Variants in BNC2 observed in about 807,000 individuals in gnomAD.
BNC2 encodes basonuclin zinc finger protein 2, also known as zinc finger protein basonuclin-2.
In BNC2, 20 loss-of-function variants were observed where a neutral mutation model predicts 76.3. That is an observed-to-expected ratio of 0.26 (90% CI 0.18 to 0.38). The LOEUF is 0.38. BNC2 is among the 10% of genes least tolerant of loss of function. The pLI is 1.00. For synonymous variants in BNC2, 582 were observed against 514.8 expected, an observed-to-expected ratio of 1.13 and a Z score of -1.77; for missense variants, 1,382 against 1,399.8, an observed-to-expected ratio of 0.99 and a Z score of 0.20.
At chr9:16,655,027 GT>G (rs1563882184) in intron 3 of BNC2, among the ~76,000 whole-genome samples, 1 of 151,802 alleles carries the variant, frequency 6.6e-6, no homozygotes, top group African/African-American at 2.4e-5. Context: ...AATAACTGTG[GT>G]TTAACAACAG....
At chr9:16,451,192 C>T (rs1821332928) in intron 5 of BNC2, among the ~76,000 whole-genome samples, 1 of 152,042 alleles carries the variant, frequency 6.6e-6, no homozygotes, top group Non-Finnish European at 1.5e-5. Flanking sequence ...GGTGCCACCT[C>T]AAAGAAGGTA....
intron 5 of BNC2, among the ~76,000 whole-genome samples, chr9:16,515,633 CG>C (rs888753384): frequency 1.5e-4 from 22 of 149,456 alleles, no homozygotes; most frequent in African/African-American, 5.4e-4. Context: ...ATGATGTGGT[CG>C]AAAAAAAATC....
intron 1 of BNC2, among the ~76,000 whole-genome samples, chr9:16,799,371 G>A (rs1242754992): frequency 6.6e-6 from 1 of 151,832 alleles, no homozygotes; most frequent in Non-Finnish European, 1.5e-5. Flanking sequence ...CTGGAGTGCA[G>A]TGGCAGGACC....
chr9:16,721,086 C>T (rs1824142808), intron 3 of BNC2, among the ~76,000 whole-genome samples: 1 of 152,122 alleles, frequency 6.6e-6, no homozygotes, highest in African/African-American at 2.4e-5. Flanking sequence ...AGGTCAGGCT[C>T]AATGAGGAGG....
intron 6 of BNC2, among the ~76,000 whole-genome samples, chr9:16,430,909 A>C (rs542543405): frequency 1.3e-5 from 2 of 152,228 alleles, no homozygotes; most frequent in Non-Finnish European, 2.9e-5. Context: ...ATATTTATTT[A>C]TAAATCACCC....
At position 16,770,899 on chromosome 9, in the gene BNC2, G is replaced by C. The variant is rs570670505; in HGVS notation, c.4-32414C>G. ...AAAAGAAAAGAAAAGGGCTGGGCTC[G>C]GTGGCTCACGCCTATAATCCCAGCA... is the stretch of plus-strand genomic sequence containing the variant. On this transcript the variant is annotated intron_variant, in intron 1 of 6. Coordinates refer to ENST00000380672, the MANE Select transcript of BNC2 (RefSeq NM_017637.6). Among the ~76,000 whole-genome samples the C allele has an allele frequency of 2.0e-5, 3 of 152,036 alleles. No homozygotes were observed. In the South Asian group the frequency reaches 6.2e-4, roughly 32 times the overall value.
In BNC2 at chr9:16,508,383, A is replaced by G. The variant is rs564379873; in HGVS notation, c.669+44147T>C. Among the ~76,000 whole-genome samples the G allele has an allele frequency of 2.4e-4, 37 of 152,292 alleles. 1 individual carries two copies. The South Asian group carries it at 7.7e-3, about 32-fold the overall frequency. On this transcript the variant is annotated intron_variant, in intron 5 of 6. Transcript: ENST00000380672. ...CTGTATCACCAACATCTTGCAATTAATAATACAAAGCAACAAAAGAGACAC... is the reference window on the plus strand; with the variant it reads ...CTGTATCACCAACATCTTGCAATTAGTAATACAAAGCAACAAAAGAGACAC...
chr9:16,747,325 A>T (rs574533559), intron 1 of BNC2, among the ~76,000 whole-genome samples: 1 of 124,280 alleles, frequency 8.0e-6, no homozygotes, highest in Admixed American at 9.5e-5. Flanking sequence ...TGTACAAGAC[A>T]TTGCAAGTTT....
intron 1 of BNC2, among the ~76,000 whole-genome samples, chr9:16,781,086 C>CT (rs1463445110): frequency 6.6e-6 from 1 of 151,740 alleles, no homozygotes; most frequent in East Asian, 1.9e-4. Context: ...AGTGGGCACT[C>CT]TAAAAAAATG....
At chr9:16,460,459 C>A (rs1821551047) in intron 5 of BNC2, among the ~76,000 whole-genome samples, 1 of 152,060 alleles carries the variant, frequency 6.6e-6, no homozygotes, top group African/African-American at 2.4e-5. Flanking sequence ...CCCGTCTCTA[C>A]TAAAAATACA....
intron 3 of BNC2, among the ~76,000 whole-genome samples, chr9:16,623,193 C>T (rs986977466): frequency 9.9e-5 from 15 of 151,996 alleles, no homozygotes; most frequent in Non-Finnish European, 1.5e-4. Flanking sequence ...GCTTTATGGA[C>T]GTATTCCAGT....
chr9:16,565,833 A>C (rs1378643112), intron 4 of BNC2, among the ~76,000 whole-genome samples: 4 of 151,900 alleles, frequency 2.6e-5, no homozygotes, highest in Admixed American at 6.6e-5. Flanking sequence ...ACAAACAAAT[A>C]AACAAACACA....
chr9:16,727,756 TA>T (rs774541968), intron 3 of BNC2, 40 bp downstream of exon 3: 9 of 1,562,064 alleles, frequency 5.8e-6, no homozygotes, highest in African/African-American at 1.4e-5. Context: ...CAAGGTTTCT[TA>T]AAAAAAAGAA....
chr9:16,481,464 A>G (rs189200617), intron 5 of BNC2, among the ~76,000 whole-genome samples: 2 of 152,214 alleles, frequency 1.3e-5, no homozygotes, highest in Admixed American at 6.5e-5. Flanking sequence ...AGCCAGCGAG[A>G]CCACGAGCCC....
intron 3 of BNC2, chr9:16,626,385 A>C (rs1293803548): frequency 6.6e-6 from 1 of 152,172 alleles, no homozygotes; most frequent in Non-Finnish European, 1.5e-5. Flanking sequence ...AATATAATAA[A>C]AGTCGAAGTG....
At chr9:16,712,256 T>C (rs1441070370) in intron 3 of BNC2, among the ~76,000 whole-genome samples, 2 of 152,222 alleles carry the variant, frequency 1.3e-5, no homozygotes, top group South Asian at 2.1e-4. Flanking sequence ...TAATAAATAC[T>C]GAATATAATT....
At chr9:16,861,463 TA>T (rs1188656000) in intron 1 of BNC2, among the ~76,000 whole-genome samples, 1 of 151,678 alleles carries the variant, frequency 6.6e-6, no homozygotes, top group African/African-American at 2.4e-5. Context: ...AAACAGCACT[TA>T]AAACTGCATA....
chr9:16,751,190 CTG>C (rs1825181362), intron 1 of BNC2, among the ~76,000 whole-genome samples: 1 of 150,630 alleles, frequency 6.6e-6, no homozygotes, highest in South Asian at 2.1e-4. Flanking sequence ...AACTACAAAA[CTG>C]TGAAATAAAA....
At chr9:16,584,323 A>C (rs979123110) in intron 3 of BNC2, among the ~76,000 whole-genome samples, 14 of 152,226 alleles carry the variant, frequency 9.2e-5, no homozygotes, top group African/African-American at 2.9e-4. Flanking sequence ...CATTTGTAAC[A>C]GGCAGTATTT....
Sources: gnomAD v4.1 joint callset for allele counts (sites outside exome capture counted in the v4.1 genomes callset) on GRCh38, gnomAD v4.1.1 for gene constraint, MANE v1.5 for transcripts, NCBI Gene and HGNC (gene_info 2026-07-23, HGNC 2026-07-21) for gene names.